KLC2: variants seen among roughly 807,000 people sequenced by gnomAD.
The protein encoded by KLC2 is KLC 2.
KLC2 carries 35 observed loss-of-function variants against 75.1 expected under a neutral mutation model. The ratio of observed to expected loss-of-function variants is 0.47; its 90% CI spans 0.36 to 0.62. The LOEUF is 0.62. KLC2 is among the 20% of genes least tolerant of loss of function. The pLI is 0.00. For synonymous variants in KLC2, 314 were observed against 336.7 expected, an observed-to-expected ratio of 0.93 and a Z score of 0.74; for missense variants, 611 against 833.2, an observed-to-expected ratio of 0.73 and a Z score of 3.28.
At chr11:66,258,548 C>A in intron 1 of KLC2, 36 bp from the exon 2 acceptor site, 1 of 1,474,038 alleles carries the variant, frequency 6.8e-7, no homozygotes, top group Non-Finnish European at 9.4e-7. Flanking sequence ...TGGCCCCAGG[C>A]CCGGCGCCCG....
chr11:66,265,360 T>C (rs1856750281), intron 11 of KLC2, 125 bp downstream of exon 11: 1 of 835,890 alleles, frequency 1.2e-6, no homozygotes, highest in Non-Finnish European at 1.9e-6. Context: ...ACAGGTCACC[T>C]GTCCCAAGAA....
the KLC2 span, chr11:66,245,968 G>T: frequency 6.6e-6 from 1 of 152,350 alleles, no homozygotes; most frequent in South Asian, 2.1e-4. Context: ...CAGAGGAGTG[G>T]ATGGCCATCC....
At chr11:66,255,662 A>G (rs562808542), upstream of KLC2, among the ~76,000 whole-genome samples, 1 of 152,242 alleles carries the variant, frequency 6.6e-6, no homozygotes, top group Non-Finnish European at 1.5e-5. Context: ...AATGGACATA[A>G]GAAACAACAG....
chr11:66,266,674 A>C (rs1282481619), intron 15 of KLC2, 184 bp downstream of exon 15: 1 of 844,232 alleles, frequency 1.2e-6, no homozygotes, highest in Non-Finnish European at 2.0e-6. Flanking sequence ...TGGACGTGTA[A>C]ACGGCCAGTG....
In KLC2 at chr11:66,265,766, G is replaced by A; in HGVS notation, c.1443+3G>A. Reference sequence around the variant, plus strand: ...GTGCCAGCCGTAACCGCAAGCAGGTGGGGCTCCATGCAGGAGGGGGTGGGC... The same window carrying A: ...GTGCCAGCCGTAACCGCAAGCAGGTAGGGCTCCATGCAGGAGGGGGTGGGC... On this transcript the variant is annotated splice_donor_region_variant and intron_variant, in intron 12 of 15. Coordinates refer to ENST00000394067, the MANE Select transcript of KLC2 (RefSeq NM_001318734.2). The A allele has an allele frequency of 6.2e-7, 1 of 1,613,072 alleles. No individual in the cohort carries two copies. The highest frequency in any genetic ancestry group is 8.5e-7 in the Non-Finnish European group (1 of 1,179,408).
upstream of KLC2, among the ~76,000 whole-genome samples, chr11:66,254,387 C>T (rs978827869): frequency 2.6e-5 from 4 of 152,096 alleles, no homozygotes; most frequent in African/African-American, 4.8e-5. Flanking sequence ...AAGAGGCGGC[C>T]GGGCTCCGTG....
Position 66,265,723 on chromosome 11 carries a change from C to T in KLC2, c.1403C>T (p.Ala468Val), listed in dbSNP as rs1168792855. Residue 468 changes from alanine to valine, a missense_variant, in exon 12 of 16, where the codon GCG (alanine) becomes GTG (valine). Transcript: ENST00000394067. ...LYRRQGKLEA[A>V]HTLEDCASRN... ...CGGCGCCAGGGCAAGCTGGAAGCCG[C>T]GCACACACTAGAGGACTGTGCCAGC... The T allele has an allele frequency of 8.1e-6, 13 of 1,613,726 alleles. No individual in the cohort carries two copies. Among genetic ancestry groups the T allele is most frequent in the African/African-American group, 1.3e-5 (1 of 74,914 alleles).
In KLC2 at chr11:66,267,385, G is replaced by A. The variant is rs1018480741; in HGVS notation, c.*429G>A. ...GCCGCGCGCCTCCCTTCAGTCCACG[G>A]TACTACCCGGGCCTCCCCTCGTCCC... On this transcript the variant is annotated 3_prime_UTR_variant, in exon 16 of 16. Coordinates refer to ENST00000394067, the MANE Select transcript of KLC2 (RefSeq NM_001318734.2). 1.4e-6 allele frequency: 1 copy of A among 720,408 alleles called. No homozygotes were observed. Among genetic ancestry groups the A allele is most frequent in the East Asian group, 2.7e-5 (1 of 37,282 alleles). The allele number at this position is 720,408 out of a possible 1,614,324, so 44.6% of individuals were successfully genotyped here.
At position 66,265,558 on chromosome 11, in the gene KLC2, C is replaced by T. The variant is rs1380815066; in HGVS notation, c.1335-97C>T. ...GGGAAGGAATGGATTCTGGCTACCC[C>T]GGAGGTCCATGCTTCCTCAGGGCCC... On this transcript the variant is annotated intron_variant, in intron 11 of 15. Transcript: ENST00000394067. 23 of 988,398 alleles carry T rather than the reference C, an allele frequency of 2.3e-5. No individual in the cohort carries two copies. In the East Asian group the frequency reaches 2.9e-4, roughly 12 times the overall value. 61.2% of individuals were successfully genotyped at this position (988,398 alleles called of 1,614,324 possible). A position where few individuals can be genotyped will look rare whatever the true frequency, so the allele number is the denominator to read the frequency against.
chr11:66,254,924 CAA>C (rs771208631), upstream of KLC2, among the ~76,000 whole-genome samples: 1 of 140,188 alleles, frequency 7.1e-6, no homozygotes, highest in Non-Finnish European at 1.6e-5. Flanking sequence ...GACTCCATCT[CAA>C]AAAAAAAAAA....
At chr11:66,248,892 C>G in the KLC2 span, among the ~76,000 whole-genome samples, 575 of 152,164 alleles carry the variant, frequency 3.8e-3, 5 homozygotes, top group African/African-American at 0.013. Context: ...GTCATTACAC[C>G]TGGCTCTTTG....
chr11:66,267,686 C>T lies in KLC2; in HGVS notation c.*730C>T, dbSNP rs771326704. 2 of 522,656 alleles carry T rather than the reference C, an allele frequency of 3.8e-6. No homozygotes were observed. The highest frequency in any genetic ancestry group is 6.7e-6 in the Non-Finnish European group (2 of 297,082). 32.4% of individuals were successfully genotyped at this position (522,656 alleles called of 1,614,324 possible). On this transcript the variant is annotated 3_prime_UTR_variant, in exon 16 of 16. Transcript: ENST00000394067. ...GGCCCCGCCCAGGCACGGCCGACCC[C>T]GCCCCGGGCACCGCCCACCGAGCCA... is the stretch of plus-strand genomic sequence containing the variant.
the KLC2 span, among the ~76,000 whole-genome samples, chr11:66,251,490 C>T: frequency 2.2e-4 from 29 of 133,060 alleles, 5 homozygotes; most frequent in Admixed American, 1.2e-3. Context: ...AGTGAGACTC[C>T]GTCTCAAAAA....
At chr11:66,247,248 C>A in the KLC2 span, among the ~76,000 whole-genome samples, 1,507 of 152,302 alleles carry the variant, frequency 9.9e-3, 26 homozygotes, top group African/African-American at 0.034. Flanking sequence ...TCCTAATTAT[C>A]CCTGCTCCCA....
intron 9 of KLC2, 67 bp downstream of exon 9, chr11:66,264,511 G>C: frequency 8.5e-7 from 1 of 1,177,338 alleles, no homozygotes; most frequent in Non-Finnish European, 1.3e-6. Flanking sequence ...TCAGCACCCA[G>C]GACAAATCCC....
At position 66,264,418 on chromosome 11, in the gene KLC2, A is replaced by T; in HGVS notation, c.1190A>T (p.His397Leu). ...TLYKEILTRA[H>L]EKEFGSVNGD... ...TACAAGGAGATCCTCACCCGCGCTCATGAGAAAGAGTTTGGCTCTGTCAAT... is the reference window on the plus strand; with the variant it reads ...TACAAGGAGATCCTCACCCGCGCTCTTGAGAAAGAGTTTGGCTCTGTCAAT... Residue 397 changes from histidine (H) to leucine (L), a missense_variant, in exon 9 of 16, where the codon CAT (histidine) becomes CTT (leucine). Transcript: ENST00000394067. 1 of 1,613,520 alleles carries T rather than the reference A, an allele frequency of 6.2e-7. No individual in the cohort carries two copies. Among genetic ancestry groups the T allele is most frequent in the Non-Finnish European group, 8.5e-7 (1 of 1,179,760 alleles).
chr11:66,262,044 T>C lies in KLC2; in HGVS notation c.459+72T>C, dbSNP rs1178114896. ...GCAGGGAGGGGCAGCATGGAGCAGA[T>C]TCGGCTCCACCCCAGCCCATGGACA... On this transcript the variant is annotated intron_variant, in intron 3 of 15. Transcript: ENST00000394067. 25 of 1,573,574 alleles carry C rather than the reference T, an allele frequency of 1.6e-5. No individual in the cohort carries two copies. The South Asian group carries it at 2.3e-4, about 15-fold the overall frequency.
intron 2 of KLC2, 26 bp from the exon 3 acceptor site, chr11:66,261,716 G>A (rs370317236): frequency 6.5e-6 from 10 of 1,547,510 alleles, no homozygotes; most frequent in African/African-American, 1.4e-5. Flanking sequence ...ACAGGCCTCC[G>A]ACCCTTACCT....
upstream of KLC2, among the ~76,000 whole-genome samples, chr11:66,252,370 C>T (rs370020986): frequency 4.0e-5 from 6 of 151,508 alleles, no homozygotes; most frequent in South Asian, 1.1e-3. Context: ...ACCGCAAGCT[C>T]CGCCTCCCGG....
Sources: gnomAD v4.1 joint callset for allele counts (sites outside exome capture counted in the v4.1 genomes callset) on GRCh38, gnomAD v4.1.1 for gene constraint, MANE v1.5 for transcripts, NCBI Gene and HGNC (gene_info 2026-07-23, HGNC 2026-07-21) for gene names.